Variants in AUTS2 observed in about 807,000 individuals in gnomAD.
AUTS2 encodes activator of transcription and developmental regulator AUTS2.
In AUTS2, 17 loss-of-function variants were observed where a neutral mutation model predicts 112.4. The ratio of observed to expected loss-of-function variants is 0.15; its 90% CI spans 0.10 to 0.23. The LOEUF is 0.23. Among genes scored for constraint, AUTS2 ranks in the 10% least tolerant of loss-of-function variants. The pLI is 1.00. For synonymous variants in AUTS2, 751 were observed against 702.7 expected, an observed-to-expected ratio of 1.07 and a Z score of -1.09; for missense variants, 1,510 against 1,701.6, an observed-to-expected ratio of 0.89 and a Z score of 1.98.
At chr7:70,729,798 A>G (rs981254358) in intron 6 of AUTS2, among the ~76,000 whole-genome samples, 1 of 152,204 alleles carries the variant, frequency 6.6e-6, no homozygotes, top group African/African-American at 2.4e-5. Flanking sequence ...GTATAAGCAC[A>G]ATGTCATGAA....
At chr7:70,149,246 A>T (rs1336102113) in intron 4 of AUTS2, among the ~76,000 whole-genome samples, 1 of 152,072 alleles carries the variant, frequency 6.6e-6, no homozygotes, top group Non-Finnish European at 1.5e-5. Flanking sequence ...ACACACTCTC[A>T]TAGACACAAA....
chr7:70,077,975 G>T (rs1803116552), intron 2 of AUTS2, among the ~76,000 whole-genome samples: 1 of 152,158 alleles, frequency 6.6e-6, no homozygotes, highest in Non-Finnish European at 1.5e-5. Context: ...ATTGACAGTG[G>T]ATATGCCGGT....
rs1563136434 is a variant in AUTS2, at chr7:70,698,615, A to G, written c.737A>G (p.Asn246Ser). 1 of 1,606,650 alleles carries G rather than the reference A, an allele frequency of 6.2e-7. No individual in the cohort carries two copies. Among genetic ancestry groups the G allele is most frequent in the Non-Finnish European group, 8.5e-7 (1 of 1,176,606 alleles). The change falls in exon 6 of 19, where the codon AAC (asparagine) becomes AGC (serine). Residue 246 changes from asparagine (N) to serine (S), a missense_variant. Asn to Ser is a conservative substitution (Grantham distance 46). Around this residue, in one of 3 missense-constraint regions of AUTS2, gnomAD observed 535 missense variants for 594.3 expected, o/e 0.90. Coordinates refer to ENST00000342771, the MANE Select transcript of AUTS2 (RefSeq NM_015570.4). ...SEKLFNTVIV[N>S]KDPELGVGTL... ...AAACTCTTCAACACTGTTATTGTAA[A>G]CAAAGGTAAGACCCATTCATTCTCC... is the stretch of plus-strand genomic sequence containing the variant.
chr7:69,840,669 G>A (rs1562920843), intron 1 of AUTS2, among the ~76,000 whole-genome samples: 1 of 152,146 alleles, frequency 6.6e-6, no homozygotes, highest in East Asian at 1.9e-4. Context: ...GATGAGAGAT[G>A]GGGTGGGAGG....
chr7:69,879,067 T>C (rs1375819223), intron 1 of AUTS2, among the ~76,000 whole-genome samples: 1 of 152,118 alleles, frequency 6.6e-6, no homozygotes, highest in East Asian at 1.9e-4. Flanking sequence ...TTTGGTATTA[T>C]TGTGTTCCAG....
At chr7:70,586,884 C>G (rs1802713273) in intron 5 of AUTS2, among the ~76,000 whole-genome samples, 1 of 148,014 alleles carries the variant, frequency 6.8e-6, no homozygotes, top group Non-Finnish European at 1.5e-5. Flanking sequence ...TCACTACTTG[C>G]AGGAAACAGG....
chr7:69,858,444 G>A (rs753201438), intron 1 of AUTS2, among the ~76,000 whole-genome samples: 4 of 152,098 alleles, frequency 2.6e-5, no homozygotes, highest in Non-Finnish European at 4.4e-5. Flanking sequence ...ACTTTCTCCT[G>A]GTCCTCCTCT....
chr7:70,345,968 A>G (rs536129557), intron 4 of AUTS2, among the ~76,000 whole-genome samples: 33 of 152,226 alleles, frequency 2.2e-4, no homozygotes, highest in African/African-American at 7.7e-4. Context: ...TCAGAAGTCT[A>G]TCATTTTTTT....
At position 69,599,381 on chromosome 7, in the gene AUTS2, G is replaced by A. The variant is rs1317050183; in HGVS notation, c.-273G>A. On this transcript the variant is annotated 5_prime_UTR_variant, in exon 1 of 19. Transcript: ENST00000342771. This position sits in a 1 kb window ranked among gnomAD's most constrained non-coding sequence, Gnocchi z 7.0. Reference sequence around the variant, plus strand: ...CTCGGCGCTGCTCCCAGGCATCTCCGACCCTCGGTGCTGTGGGGAGCCCCA... The same window carrying A: ...CTCGGCGCTGCTCCCAGGCATCTCCAACCCTCGGTGCTGTGGGGAGCCCCA... The A allele has an allele frequency of 5.8e-6, 2 of 346,674 alleles. No homozygotes were observed. Among genetic ancestry groups the A allele is most frequent in the East Asian group, 4.3e-5 (1 of 23,046 alleles). The allele number at this position is 346,674 out of a possible 1,614,324, so 21.5% of individuals were successfully genotyped here. A position where few individuals can be genotyped will look rare whatever the true frequency, so the allele number is the denominator to read the frequency against.
intron 2 of AUTS2, among the ~76,000 whole-genome samples, chr7:70,075,583 G>C (rs1170360467): frequency 6.6e-6 from 1 of 152,130 alleles, no homozygotes; most frequent in Admixed American, 6.5e-5. Flanking sequence ...ATGAAACCCT[G>C]TGTCTAGAGC....
intron 1 of AUTS2, among the ~76,000 whole-genome samples, chr7:69,708,317 TTC>T (rs757383169): frequency 1.7e-4 from 4 of 23,254 alleles, no homozygotes; most frequent in African/African-American, 4.4e-4. Context: ...AGTCTCTCTC[TTC>T]TTTTTTGTGA....
At chr7:69,723,831 A>C (rs1254875815) in intron 1 of AUTS2, among the ~76,000 whole-genome samples, 1 of 152,094 alleles carries the variant, frequency 6.6e-6, no homozygotes. Context: ...AACTCATTAC[A>C]CTCTAACGGT....
intron 4 of AUTS2, among the ~76,000 whole-genome samples, chr7:70,278,761 C>T (rs1477253099): frequency 1.3e-5 from 2 of 152,206 alleles, no homozygotes; most frequent in Non-Finnish European, 2.9e-5. Flanking sequence ...ATTTCTCAGA[C>T]ATACTGAAAA....
intron 5 of AUTS2, among the ~76,000 whole-genome samples, chr7:70,529,059 A>G (rs1323074316): frequency 6.6e-6 from 1 of 152,180 alleles, no homozygotes; most frequent in African/African-American, 2.4e-5. Flanking sequence ...TGGTTGACTA[A>G]TGCCAAAAAG....
intron 1 of AUTS2, among the ~76,000 whole-genome samples, chr7:69,633,726 T>G (rs1486887331): frequency 6.6e-6 from 1 of 152,204 alleles, no homozygotes; most frequent in East Asian, 1.9e-4. Context: ...TTCATATGTC[T>G]ATTGGCAGTT....
chr7:70,352,412 C>T (rs569285619), intron 4 of AUTS2, among the ~76,000 whole-genome samples: 2 of 152,246 alleles, frequency 1.3e-5, no homozygotes, highest in Admixed American at 6.5e-5. Context: ...AGACTGTAAA[C>T]TCCCTGAGGG....
At chr7:70,432,840 A>G (rs10275122) in intron 4 of AUTS2, among the ~76,000 whole-genome samples, 38,060 of 152,048 alleles carry the variant, frequency 0.25, 5,336 homozygotes, top group African/African-American at 0.38. Flanking sequence ...CAAAGTCCTC[A>G]GGTCAGTATG....
intron 1 of AUTS2, among the ~76,000 whole-genome samples, chr7:69,875,751 T>C (rs144449552): frequency 4.6e-5 from 7 of 152,336 alleles, no homozygotes; most frequent in African/African-American, 1.4e-4. Flanking sequence ...GGTTCAGACT[T>C]TGGGACCCCA....
At chr7:70,387,168 G>A (rs1226371995) in intron 4 of AUTS2, among the ~76,000 whole-genome samples, 1 of 152,092 alleles carries the variant, frequency 6.6e-6, no homozygotes, top group Non-Finnish European at 1.5e-5. Flanking sequence ...CCTTTTGAAA[G>A]CACAGTTTGC....
Sources: gnomAD v4.1 joint callset for allele counts (sites outside exome capture counted in the v4.1 genomes callset) on GRCh38, gnomAD v4.1.1 for gene constraint, gnomAD v4.1.1 regional missense constraint, Gnocchi (gnomAD v3.1) non-coding constraint, MANE v1.5 for transcripts, NCBI Gene and HGNC (gene_info 2026-07-23, HGNC 2026-07-21) for gene names.